The following ZCWPW2 variants were observed in gnomAD, a reference collection of about 807,000 sequenced individuals.
ZCWPW2 encodes zinc finger CW-type and PWWP domain containing 2, also known as zinc finger CW-type PWWP domain protein 2.
In ZCWPW2, 45 loss-of-function variants were observed where a neutral mutation model predicts 46.6. That is an observed-to-expected ratio of 0.96 (90% CI 0.76 to 1.24). ZCWPW2 has a LOEUF of 1.24. ZCWPW2 is among the 50% of genes most tolerant of loss of function. The pLI is 0.00. For synonymous variants in ZCWPW2, 152 were observed against 137.1 expected (o/e 1.11, Z -0.76); for missense variants, 429 against 403.9 (o/e 1.06, Z -0.53).
rs190642877 is a variant in ZCWPW2 at position 28,395,675 on chromosome 3, A to G, written c.-14+5058A>G. On this transcript the variant is annotated intron_variant, in intron 2 of 9. Coordinates refer to ENST00000383768, the MANE Select transcript of ZCWPW2 (RefSeq NM_001040432.4). Reference sequence around the variant, plus strand: ...GACACCAAAAGGCAAATACTGTACGATCCAATTATATTTAGAATTTGATAA... The same window carrying G: ...GACACCAAAAGGCAAATACTGTACGGTCCAATTATATTTAGAATTTGATAA... Among the ~76,000 whole-genome samples the G allele has an allele frequency of 3.3e-5, 5 of 152,270 alleles. No individual in the cohort carries two copies. In the East Asian group the frequency reaches 9.6e-4, roughly 29 times the overall value.
intron 4 of ZCWPW2, among the ~76,000 whole-genome samples, chr3:28,439,602 A>T (rs1173513884): frequency 6.6e-6 from 1 of 152,198 alleles, no homozygotes; most frequent in Admixed American, 6.5e-5. Flanking sequence ...TCCTGAGATC[A>T]TACATAATCT....
chr3:28,417,592 T>C (rs1025413229), intron 3 of ZCWPW2, among the ~76,000 whole-genome samples: 22 of 149,366 alleles, frequency 1.5e-4, no homozygotes, highest in Middle Eastern at 3.5e-3. Context: ...ATATCCTTGA[T>C]GAACATCGAT....
intron 1 of ZCWPW2, among the ~76,000 whole-genome samples, chr3:28,349,802 C>T (rs1423199623): frequency 6.6e-6 from 1 of 152,208 alleles, no homozygotes; most frequent in Non-Finnish European, 1.5e-5. Flanking sequence ...ACATTACTCA[C>T]CACCCCCTTA....
At chr3:28,451,957 A>T (rs1698241392) in intron 4 of ZCWPW2, among the ~76,000 whole-genome samples, 1 of 152,202 alleles carries the variant, frequency 6.6e-6, no homozygotes. Flanking sequence ...GTTGGCATAA[A>T]ATTTGCTGTA....
chr3:28,378,399 A>G (rs991600210), intron 1 of ZCWPW2, among the ~76,000 whole-genome samples: 8 of 152,086 alleles, frequency 5.3e-5, no homozygotes, highest in Non-Finnish European at 1.2e-4. Flanking sequence ...AACTAGAAAT[A>G]TAACTCACTT....
At chr3:28,421,014 C>T (rs566729319) in intron 3 of ZCWPW2, among the ~76,000 whole-genome samples, 34 of 152,052 alleles carry the variant, frequency 2.2e-4, no homozygotes, top group African/African-American at 7.5e-4. Context: ...ATTTACTAGA[C>T]TTTATATTCT....
At chr3:28,388,683 C>A (rs756138121) in intron 1 of ZCWPW2, among the ~76,000 whole-genome samples, 1 of 152,166 alleles carries the variant, frequency 6.6e-6, no homozygotes, top group Non-Finnish European at 1.5e-5. Context: ...CTACTCATGA[C>A]AATTAAAATT....
chr3:28,499,108 A>G (rs959157710), intron 6 of ZCWPW2, among the ~76,000 whole-genome samples: 3 of 152,152 alleles, frequency 2.0e-5, no homozygotes, highest in Non-Finnish European at 4.4e-5. Flanking sequence ...CAATAAACAT[A>G]CGTGTGCATG....
At chr3:28,454,057 G>A (rs1222743698) in intron 4 of ZCWPW2, among the ~76,000 whole-genome samples, 3 of 151,490 alleles carry the variant, frequency 2.0e-5, no homozygotes, top group Admixed American at 6.6e-5. Context: ...TGTTAGCCAG[G>A]ATGGTCTCGA....
chr3:28,490,807 G>A (rs975402064), intron 5 of ZCWPW2, among the ~76,000 whole-genome samples: 3 of 151,944 alleles, frequency 2.0e-5, no homozygotes, highest in Admixed American at 6.6e-5. Flanking sequence ...AATAAAGAGA[G>A]TCTAAGAGCA....
At chr3:28,381,346 C>A (rs1217417601) in intron 1 of ZCWPW2, among the ~76,000 whole-genome samples, 2 of 151,260 alleles carry the variant, frequency 1.3e-5, no homozygotes, top group African/African-American at 2.4e-5. Context: ...TTACAATAAA[C>A]CTAGAAAAAA....
chr3:28,491,970 G>C (rs1392788498), intron 5 of ZCWPW2, among the ~76,000 whole-genome samples, 157 bp from the exon 6 acceptor site: 2 of 152,112 alleles, frequency 1.3e-5, no homozygotes, highest in East Asian at 3.9e-4. Context: ...ACAATGGACA[G>C]CTCAGTTTAC....
At chr3:28,396,651 G>A (rs924350314) in intron 2 of ZCWPW2, among the ~76,000 whole-genome samples, 1 of 152,148 alleles carries the variant, frequency 6.6e-6, no homozygotes, top group Admixed American at 6.5e-5. Context: ...ATCTGTGATA[G>A]CCTGCAGCTA....
At chr3:28,441,811 C>T (rs1041007295) in intron 4 of ZCWPW2, among the ~76,000 whole-genome samples, 18 of 152,232 alleles carry the variant, frequency 1.2e-4, no homozygotes, top group East Asian at 5.8e-4. Flanking sequence ...TTAGGTCACC[C>T]GGGCACTTGA....
chr3:28,428,955 G>C (rs1488443240), intron 3 of ZCWPW2, among the ~76,000 whole-genome samples: 1 of 152,078 alleles, frequency 6.6e-6, no homozygotes, highest in East Asian at 1.9e-4. Flanking sequence ...ACCCAGTCTT[G>C]GGTATTTCTT....
intron 1 of ZCWPW2, among the ~76,000 whole-genome samples, chr3:28,349,596 C>T (rs1704455520): frequency 6.6e-6 from 1 of 152,160 alleles, no homozygotes; most frequent in Non-Finnish European, 1.5e-5. Context: ...CCTGGAGTTG[C>T]CACCACCTTG....
At chr3:28,473,858 T>C (rs1415997226) in intron 4 of ZCWPW2, among the ~76,000 whole-genome samples, 5 of 152,094 alleles carry the variant, frequency 3.3e-5, no homozygotes, top group African/African-American at 7.2e-5. Context: ...GAGTACAAGG[T>C]TGGTTAACGG....
intron 4 of ZCWPW2, among the ~76,000 whole-genome samples, 194 bp downstream of exon 4, chr3:28,435,463 T>A (rs1575131093): frequency 1.3e-5 from 2 of 151,754 alleles, no homozygotes; most frequent in Non-Finnish European, 2.9e-5. Context: ...GTGAGAGTTT[T>A]AAATTTTATT....
chr3:28,403,699 A>G (rs1181271179), intron 2 of ZCWPW2, among the ~76,000 whole-genome samples: 1 of 152,210 alleles, frequency 6.6e-6, no homozygotes, highest in Non-Finnish European at 1.5e-5. Context: ...AAATAGCCAC[A>G]CAGACCAATG....
Sources: allele counts gnomAD v4.1 joint callset (sites outside exome capture counted in the v4.1 genomes callset), GRCh38; gene constraint gnomAD v4.1.1; transcripts MANE v1.5; gene names NCBI Gene and HGNC (gene_info 2026-07-23, HGNC 2026-07-21).